The following GRIK3 variants were observed in gnomAD, a reference collection of about 807,000 sequenced individuals.
GRIK3 encodes glutamate ionotropic receptor kainate type subunit 3, also known as glutamate receptor ionotropic, kainate 3.
GRIK3 carries 29 observed loss-of-function variants against 102.5 expected under a neutral mutation model. The ratio of observed to expected loss-of-function variants is 0.28; its 90% CI spans 0.21 to 0.39. The LOEUF (loss-of-function observed/expected upper bound fraction) is 0.39, where lower values mean the gene tolerates loss of function less well. Ranked by LOEUF, GRIK3 falls within the 10% of genes least tolerant of loss-of-function variation. The probability of loss-of-function intolerance (pLI) is 1.00; values close to 1 mark genes in which losing one functional copy is unlikely to be tolerated. For missense variants in GRIK3, 908 were observed against 1,252.4 expected (o/e 0.73, Z 4.15); for synonymous variants, 511 against 504.9 (o/e 1.01, Z -0.16).
chr1:36,869,771 A>G lies in GRIK3; in HGVS notation c.763T>C (p.Tyr255His). The G allele has an allele frequency of 6.2e-7, 1 of 1,612,498 alleles. No homozygotes were observed. Among genetic ancestry groups the G allele is most frequent in the East Asian group, 2.2e-5 (1 of 44,890 alleles). Residue 255 changes from tyrosine to histidine, a missense_variant, in exon 5 of 16, where the codon TAC becomes CAC. By Grantham distance (83) the Tyr-to-His change is moderately conservative. Around this residue, in one of 3 missense-constraint regions of GRIK3, gnomAD observed 585 missense variants for 824.9 expected, o/e 0.71. Transcript: ENST00000373091. ...AMAMGMMTEY[Y>H]HFIFTTLDLY... is the part of the protein sequence containing the mutation. ...ACCAGAGTGGTGAAGATGAAGTGGT[A>G]GTACTCAGTCATCATGCCCATGGCC...
intron 1 of GRIK3, among the ~76,000 whole-genome samples, chr1:36,958,255 A>AGC (rs1641949690): frequency 1.7e-5 from 1 of 60,234 alleles, no homozygotes; most frequent in African/African-American, 7.5e-5. Flanking sequence ...GTGTCCCATG[A>AGC]CTCTGTGCCC....
chr1:37,022,021 G>A (rs1642720019), intron 1 of GRIK3, among the ~76,000 whole-genome samples: 1 of 152,190 alleles, frequency 6.6e-6, no homozygotes, highest in African/African-American at 2.4e-5. Context: ...ACAAAAACAT[G>A]TGCACACACT....
At chr1:36,853,524 C>A in intron 8 of GRIK3, 91 bp downstream of exon 8, 1 of 828,424 alleles carries the variant, frequency 1.2e-6, no homozygotes, top group East Asian at 2.4e-5. Flanking sequence ...TGTCTTGCCC[C>A]TTGCCTCTGG....
intron 1 of GRIK3, among the ~76,000 whole-genome samples, chr1:36,998,153 A>G (rs1376442869): frequency 6.6e-6 from 1 of 152,234 alleles, no homozygotes; most frequent in Non-Finnish European, 1.5e-5. Flanking sequence ...TCTGACTGGA[A>G]GACACTGGGA....
At chr1:36,815,692 C>G (rs1642618851) in intron 13 of GRIK3, among the ~76,000 whole-genome samples, 1 of 152,174 alleles carries the variant, frequency 6.6e-6, no homozygotes. Context: ...AATGCACATT[C>G]TCGGCCCCAT....
chr1:36,977,004 A>G (rs538354487), intron 1 of GRIK3, among the ~76,000 whole-genome samples: 1 of 152,248 alleles, frequency 6.6e-6, no homozygotes, highest in South Asian at 2.1e-4. Flanking sequence ...ACCAGCAGCA[A>G]TCATGGGCAG....
chr1:36,847,674 A>G (rs1377752597), intron 9 of GRIK3, among the ~76,000 whole-genome samples: 1 of 152,264 alleles, frequency 6.6e-6, no homozygotes, highest in Non-Finnish European at 1.5e-5. Context: ...TCTATGAAGT[A>G]GGTGCAGTTA....
rs115830265 is a variant in GRIK3, at chr1:37,026,166, A to C, written c.115+7828T>G. On this transcript the variant is annotated intron_variant, in intron 1 of 15. Transcript: ENST00000373091. ...AACATCCCATAACCAGGGTCTTCCC[A>C]GCTCTGAACATATGCAAAATGCATT... Among the ~76,000 whole-genome samples the C allele has an allele frequency of 2.0e-3, 303 of 152,358 alleles. 1 individual carries two copies. Among genetic ancestry groups the C allele is most frequent in the African/African-American group, 6.9e-3 (285 of 41,578 alleles).
rs1557684307 is a variant in GRIK3, at chr1:36,798,793, G to A, written c.*3058C>T. ...AAGGTTTGCCTGGGAGAGGAGATGA[G>A]GCAGCATGCCCTCCTGCTTCCACAC... is the stretch of plus-strand genomic sequence containing the variant. On this transcript the variant is annotated 3_prime_UTR_variant, in exon 16 of 16. Coordinates refer to ENST00000373091, the MANE Select transcript of GRIK3 (RefSeq NM_000831.4). 1 of 152,256 alleles carries A rather than the reference G, an allele frequency of 6.6e-6. No individual in the cohort carries two copies. Among genetic ancestry groups the A allele is most frequent in the South Asian group, 2.1e-4 (1 of 4,836 alleles). 9.4% of individuals were successfully genotyped at this position (152,256 alleles called of 1,614,324 possible).
chr1:36,881,307 G>T (rs910935978), intron 2 of GRIK3, among the ~76,000 whole-genome samples: 1 of 152,054 alleles, frequency 6.6e-6, no homozygotes, highest in Non-Finnish European at 1.5e-5. Context: ...CTCTAGCCCG[G>T]CCTGTTCCCT....
intron 13 of GRIK3, among the ~76,000 whole-genome samples, chr1:36,814,079 T>G (rs1417093414): frequency 1.3e-5 from 2 of 152,158 alleles, no homozygotes; most frequent in Non-Finnish European, 2.9e-5. Context: ...ATGTCTCTTC[T>G]GCCCTCCTCG....
At chr1:36,936,334 G>A (rs1394222622) in intron 1 of GRIK3, among the ~76,000 whole-genome samples, 1 of 152,186 alleles carries the variant, frequency 6.6e-6, no homozygotes, top group African/African-American at 2.4e-5. Context: ...AGGAAGAGAT[G>A]GAAAACAAGA....
intron 1 of GRIK3, among the ~76,000 whole-genome samples, chr1:36,937,998 A>G (rs539523243): frequency 1.3e-5 from 2 of 152,222 alleles, no homozygotes; most frequent in Admixed American, 1.3e-4. Flanking sequence ...TCCCTTAAAG[A>G]TATACTAGGT....
intron 1 of GRIK3, among the ~76,000 whole-genome samples, chr1:36,954,061 C>G (rs1641875632): frequency 6.6e-6 from 1 of 152,214 alleles, no homozygotes; most frequent in African/African-American, 2.4e-5. Context: ...GGAAAGGGAT[C>G]TACTAGGTGC....
intron 5 of GRIK3, among the ~76,000 whole-genome samples, chr1:36,869,261 T>C (rs1225138983): frequency 5.3e-5 from 8 of 152,180 alleles, no homozygotes; most frequent in African/African-American, 1.9e-4. Context: ...AGTATGAATG[T>C]GGACAGAATC....
At chr1:36,862,833 T>C (rs972156980) in intron 5 of GRIK3, among the ~76,000 whole-genome samples, 11 of 152,196 alleles carry the variant, frequency 7.2e-5, no homozygotes, top group African/African-American at 2.7e-4. Context: ...AGAACATGTC[T>C]GGGACATATC....
chr1:36,898,436 C>T (rs1224253431), intron 1 of GRIK3, among the ~76,000 whole-genome samples: 3 of 152,048 alleles, frequency 2.0e-5, no homozygotes, highest in Admixed American at 1.3e-4. Flanking sequence ...GTAAACATCT[C>T]ATGAACCTCA....
In GRIK3 at chr1:36,799,628, T is replaced by C. The variant is rs937846322; in HGVS notation, c.*2223A>G. ...ACATGTGCACACACACACACCAGCATGCACACACCTATGCATGCATGCATG... is the reference window on the plus strand; with the variant it reads ...ACATGTGCACACACACACACCAGCACGCACACACCTATGCATGCATGCATG... On this transcript the variant is annotated 3_prime_UTR_variant, in exon 16 of 16. Transcript: ENST00000373091. 3 of 152,182 alleles carry C rather than the reference T, an allele frequency of 2.0e-5. No homozygotes were observed. The highest frequency in any genetic ancestry group is 1.9e-4 in the East Asian group (1 of 5,184). 9.4% of individuals were successfully genotyped at this position (152,182 alleles called of 1,614,324 possible). A position where few individuals can be genotyped will look rare whatever the true frequency, so the allele number is the denominator to read the frequency against.
chr1:36,948,012 C>T (rs920515597), intron 1 of GRIK3, among the ~76,000 whole-genome samples: 1 of 152,332 alleles, frequency 6.6e-6, no homozygotes, highest in African/African-American at 2.4e-5. Context: ...AGCCTCACTC[C>T]TTACCCCTGC....
Sources: gnomAD v4.1 joint callset for allele counts (sites outside exome capture counted in the v4.1 genomes callset) on GRCh38, gnomAD v4.1.1 for gene constraint, gnomAD v4.1.1 regional missense constraint, MANE v1.5 for transcripts, NCBI Gene and HGNC (gene_info 2026-07-23, HGNC 2026-07-21) for gene names.